Variants in NAA16 observed in about 807,000 individuals in gnomAD.
NAA16 encodes N-alpha-acetyltransferase 16, NatA auxiliary subunit, also known as NARG1-like protein.
A neutral mutation model predicts 110.3 loss-of-function variants in NAA16; 97 were observed. The observed-to-expected ratio is 0.88, with a 90% CI of 0.75 to 1.04. The LOEUF is 1.04. NAA16 is among the 50% of genes least tolerant of loss of function. The probability of loss-of-function intolerance (pLI) is 0.00; values close to 1 mark genes in which losing one functional copy is unlikely to be tolerated. For synonymous variants in NAA16, 372 were observed against 330.6 expected, an observed-to-expected ratio of 1.13 and a Z score of -1.36; for missense variants, 1,017 against 1,005.1, an observed-to-expected ratio of 1.01 and a Z score of -0.16.
chr13:41,358,487 C>T lies in NAA16; in HGVS notation c.1257+14C>T. On this transcript the variant is annotated intron_variant, in intron 11 of 19. Coordinates refer to ENST00000379406, the MANE Select transcript of NAA16 (RefSeq NM_024561.5). The stretch of plus-strand genomic sequence containing the variant: ...AAAATTTACAAGGTAAAATCTGAAT[C>T]CTGTTTTTTGAGTAGTTGAAGAATT... 1 of 1,612,002 alleles carries T rather than the reference C, an allele frequency of 6.2e-7. No individual in the cohort carries two copies. The highest frequency in any genetic ancestry group is 8.5e-7 in the Non-Finnish European group (1 of 1,178,650).
At chr13:41,314,667 T>C (rs552094576) in intron 1 of NAA16, among the ~76,000 whole-genome samples, 47 of 152,296 alleles carry the variant, frequency 3.1e-4, no homozygotes, top group African/African-American at 1.1e-3. Flanking sequence ...CAGTTTCTTA[T>C]TTGTTTAGCC....
Position 41,368,969 on chromosome 13 carries a change from G to A in NAA16, c.1754-121G>A, listed in dbSNP as rs139676436. On this transcript the variant is annotated intron_variant, in intron 14 of 19. Transcript: ENST00000379406. ...GTATCAGTGGACTTTGTGGGGGTGGGGGTCATGAACCAATCCCCCACTGAT... is the reference window on the plus strand; with the variant it reads ...GTATCAGTGGACTTTGTGGGGGTGGAGGTCATGAACCAATCCCCCACTGAT... The A allele has an allele frequency of 2.1e-3, 1,477 of 711,784 alleles. 20 individuals are homozygous for A. The African/African-American group carries it at 0.025, about 12-fold the overall frequency. 44.1% of individuals were successfully genotyped at this position (711,784 alleles called of 1,614,324 possible). A position where few individuals can be genotyped will look rare whatever the true frequency, so the allele number is the denominator to read the frequency against.
rs921780009 is a variant in NAA16 at position 41,311,325 on chromosome 13, G to A, written c.-204G>A. On this transcript the variant is annotated 5_prime_UTR_variant, in exon 1 of 20. It adds an upstream start codon to the 5' untranslated region. Coordinates refer to ENST00000379406, the MANE Select transcript of NAA16 (RefSeq NM_024561.5). ...CCAAAAAGCGGAGCCCAGGGGAAGC[G>A]TGTCCTGCTCAGACCGCCTTCCTTC... is the stretch of plus-strand genomic sequence containing the variant. 3 of 569,022 alleles carry A rather than the reference G, an allele frequency of 5.3e-6. No homozygotes were observed. The highest frequency in any genetic ancestry group is 2.9e-4 in the Middle Eastern group (1 of 3,398). 35.2% of individuals were successfully genotyped at this position (569,022 alleles called of 1,614,324 possible).
chr13:41,314,917 CTTG>C (rs1430648027), intron 1 of NAA16, among the ~76,000 whole-genome samples: 1 of 152,186 alleles, frequency 6.6e-6, no homozygotes, highest in Non-Finnish European at 1.5e-5. Flanking sequence ...GGGAAGATCA[CTTG>C]AGCTCAGCAG....
intron 10 of NAA16, 117 bp from the exon 11 acceptor site, chr13:41,358,187 T>G (rs1302570195): frequency 2.3e-6 from 2 of 881,930 alleles, no homozygotes; most frequent in African/African-American, 3.4e-5. Context: ...TAGTTTTTGC[T>G]GAGTCTTTCT....
chr13:41,323,295 C>T (rs1001515105), intron 5 of NAA16, 105 bp downstream of exon 5: 28 of 1,134,128 alleles, frequency 2.5e-5, no homozygotes, highest in African/African-American at 6.3e-5. Context: ...CTATGGAAAA[C>T]GGGAAAACTT....
chr13:41,327,622 T>C (rs2042127476), intron 6 of NAA16, among the ~76,000 whole-genome samples: 1 of 151,998 alleles, frequency 6.6e-6, no homozygotes, highest in South Asian at 2.1e-4. Context: ...CTTTGCTTCA[T>C]GGTAGTAGCA....
intron 9 of NAA16, among the ~76,000 whole-genome samples, chr13:41,344,761 A>G (rs1044903318): frequency 5.9e-5 from 9 of 152,210 alleles, no homozygotes; most frequent in Admixed American, 5.2e-4. Flanking sequence ...TTAATATATC[A>G]TAAAATTTAC....
At chr13:41,349,859 G>T (rs2042779655) in intron 9 of NAA16, among the ~76,000 whole-genome samples, 1 of 151,978 alleles carries the variant, frequency 6.6e-6, no homozygotes, top group Non-Finnish European at 1.5e-5. Context: ...TACTTGGGAG[G>T]CTGAGGCAGG....
intron 5 of NAA16, among the ~76,000 whole-genome samples, chr13:41,324,565 G>A (rs1232871110): frequency 1.3e-5 from 2 of 151,274 alleles, no homozygotes; most frequent in Non-Finnish European, 3.0e-5. Context: ...TAGTAGAGAC[G>A]GGGTTTCATC....
At chr13:41,358,042 C>T (rs1025448932) in intron 10 of NAA16, among the ~76,000 whole-genome samples, 5 of 152,098 alleles carry the variant, frequency 3.3e-5, no homozygotes, top group Non-Finnish European at 2.9e-5. Context: ...ATTAGTTTGA[C>T]GTATATCTTT....
rs138363596 is a variant in NAA16 at position 41,367,465 on chromosome 13, A to G, written c.1566A>G (p.Gln522=). 2,052 of 1,603,322 alleles carry G rather than the reference A, an allele frequency of 1.3e-3. 26 individuals are homozygous for G. The African/African-American group carries it at 0.025, about 19-fold the overall frequency. The change falls in exon 14 of 20, where the codon CAA becomes CAG. Residue 522 remains glutamine, a synonymous_variant. Coordinates refer to ENST00000379406, the MANE Select transcript of NAA16 (RefSeq NM_024561.5). ...ERHFFEITDD[Q]FDFHTYCMRK... is the part of the protein sequence containing the mutation. ...ATTTTTTTGAGATAACTGATGACCA[A>G]TTCGACTTCCATACATACTGCATGA...
At chr13:41,341,444 G>T (rs1200578967) in intron 9 of NAA16, among the ~76,000 whole-genome samples, 1 of 152,168 alleles carries the variant, frequency 6.6e-6, no homozygotes. Flanking sequence ...CTTGCCAGCC[G>T]TGGTGGCTCA....
At chr13:41,339,711 A>G (rs1481947457) in intron 9 of NAA16, among the ~76,000 whole-genome samples, 1 of 152,064 alleles carries the variant, frequency 6.6e-6, no homozygotes, top group African/African-American at 2.4e-5. Flanking sequence ...GGTGCCTGTC[A>G]CCATGCCCAG....
intron 9 of NAA16, among the ~76,000 whole-genome samples, chr13:41,346,608 T>C (rs1247772102): frequency 6.6e-6 from 1 of 152,098 alleles, no homozygotes; most frequent in Non-Finnish European, 1.5e-5. Context: ...TTGGCATACT[T>C]TAGACTGGCG....
rs1202105449 is a variant in NAA16 at position 41,323,064 on chromosome 13, A to G, written c.411A>G (p.Arg137=). The change falls in exon 5 of 20, where the codon AGA becomes AGG. Residue 137 remains arginine (R), a synonymous_variant. Coordinates refer to ENST00000379406, the MANE Select transcript of NAA16 (RefSeq NM_024561.5). ...MRDLEGYRET[R]YQLLQLRPTQ... ...TAAAACTTTTTTTTTAGGAGACAAGATACCAGCTTCTTCAGTTGCGCCCCA... is the reference window on the plus strand; with the variant it reads ...TAAAACTTTTTTTTTAGGAGACAAGGTACCAGCTTCTTCAGTTGCGCCCCA... 4 of 1,613,634 alleles carry G rather than the reference A, an allele frequency of 2.5e-6. 1 individual carries two copies. In the South Asian group the frequency reaches 3.3e-5, roughly 13 times the overall value.
At chr13:41,328,939 A>G (rs2042163512) in intron 7 of NAA16, 96 bp downstream of exon 7, 1 of 1,041,874 alleles carries the variant, frequency 9.6e-7, no homozygotes, top group Admixed American at 2.4e-5. Context: ...TAATTTTAGC[A>G]TTAGTACTCA....
intron 9 of NAA16, among the ~76,000 whole-genome samples, chr13:41,342,951 A>G (rs1162778757): frequency 6.6e-6 from 1 of 152,180 alleles, no homozygotes; most frequent in Non-Finnish European, 1.5e-5. Flanking sequence ...GTTTAGAAGT[A>G]ATTTTTCATC....
intron 14 of NAA16, 43 bp from the exon 15 acceptor site, chr13:41,369,047 T>C: frequency 3.3e-6 from 5 of 1,511,942 alleles, no homozygotes; most frequent in Non-Finnish European, 3.5e-6. Flanking sequence ...ATGAAGAAAA[T>C]GCAAACATTG....
Sources: gnomAD v4.1 joint callset for allele counts (sites outside exome capture counted in the v4.1 genomes callset) on GRCh38, gnomAD v4.1.1 for gene constraint, MANE v1.5 for transcripts, NCBI Gene and HGNC (gene_info 2026-07-23, HGNC 2026-07-21) for gene names.